Variants in WFDC11 observed in about 807,000 individuals in gnomAD.
The protein encoded by WFDC11 is protein WFDC11.
WFDC11 carries 9 observed loss-of-function variants against 9.9 expected under a neutral mutation model. The ratio of observed to expected loss-of-function variants is 0.91; its 90% CI spans 0.55 to 1.58. The LOEUF (loss-of-function observed/expected upper bound fraction) is 1.58. WFDC11 is among the 40% of genes most tolerant of loss of function. WFDC11 has a pLI of 0.00. For missense variants in WFDC11, 106 were observed against 101.7 expected (o/e 1.04, Z -0.18); for synonymous variants, 32 against 33.3 (o/e 0.96, Z 0.13).
chr20:45,661,261 G>T (rs1416389327), intron 2 of WFDC11, among the ~76,000 whole-genome samples: 6 of 151,512 alleles, frequency 4.0e-5, no homozygotes, highest in Admixed American at 1.3e-4. Context: ...TTTTTATGGG[G>T]TTGTTTGTTT....
At chr20:45,661,594 A>T (rs1471897928) in intron 2 of WFDC11, among the ~76,000 whole-genome samples, 1 of 152,164 alleles carries the variant, frequency 6.6e-6, no homozygotes, top group Non-Finnish European at 1.5e-5. Context: ...TAATTTTTGT[A>T]TACGGTGTAA....
At chr20:45,660,589 C>T in intron 2 of WFDC11, among the ~76,000 whole-genome samples, 1 of 152,128 alleles carries the variant, frequency 6.6e-6, no homozygotes, top group Non-Finnish European at 1.5e-5. Context: ...CAACAGTCCC[C>T]AGAGTGTGAT....
intron 2 of WFDC11, among the ~76,000 whole-genome samples, chr20:45,660,491 T>C (rs567057921): frequency 6.6e-6 from 1 of 152,282 alleles, no homozygotes; most frequent in African/African-American, 2.4e-5. Context: ...TGTATACATG[T>C]GCCATGCTGG....
At chr20:45,659,668 GT>G (rs1237317252) in intron 2 of WFDC11, among the ~76,000 whole-genome samples, 1 of 152,190 alleles carries the variant, frequency 6.6e-6, no homozygotes, top group East Asian at 1.9e-4. Flanking sequence ...TAGGTTGCCT[GT>G]TCACTCTGAT....
chr20:45,666,466 A>G (rs1210583697), intron 2 of WFDC11, among the ~76,000 whole-genome samples: 3 of 152,224 alleles, frequency 2.0e-5, no homozygotes, highest in Non-Finnish European at 4.4e-5. Context: ...TGAACCAGGT[A>G]CCACAGTTGG....
At chr20:45,668,994 T>A (rs1983241767) in intron 1 of WFDC11, among the ~76,000 whole-genome samples, 1 of 152,212 alleles carries the variant, frequency 6.6e-6, no homozygotes, top group African/African-American at 2.4e-5. Flanking sequence ...GTTTAGGCTA[T>A]ACTTGCACCA....
chr20:45,662,138 C>A (rs1439505800), intron 2 of WFDC11, among the ~76,000 whole-genome samples: 1 of 152,058 alleles, frequency 6.6e-6, no homozygotes, highest in African/African-American at 2.4e-5. Context: ...CTTCACGTCC[C>A]TTGTAAGTTG....
intron 2 of WFDC11, among the ~76,000 whole-genome samples, chr20:45,658,157 T>C (rs879722882): frequency 6.6e-6 from 1 of 152,166 alleles, no homozygotes; most frequent in Non-Finnish European, 1.5e-5. Context: ...ATCTAGGCCA[T>C]AAACATATCC....
At chr20:45,653,091 C>T (rs1262025935) in intron 2 of WFDC11, among the ~76,000 whole-genome samples, 2 of 152,072 alleles carry the variant, frequency 1.3e-5, no homozygotes, top group East Asian at 1.9e-4. Flanking sequence ...CACAAAGATA[C>T]TCCTCGAGAA....
intron 2 of WFDC11, among the ~76,000 whole-genome samples, chr20:45,655,743 T>C (rs949983907): frequency 6.6e-6 from 1 of 152,172 alleles, no homozygotes; most frequent in Non-Finnish European, 1.5e-5. Context: ...AGTTTCAGAA[T>C]ACAAAATCAG....
At chr20:45,653,688 C>T (rs924741187) in intron 2 of WFDC11, among the ~76,000 whole-genome samples, 4 of 152,158 alleles carry the variant, frequency 2.6e-5, no homozygotes, top group Non-Finnish European at 4.4e-5. Context: ...GGAAACCCAT[C>T]TCACATGCAG....
chr20:45,654,537 C>G (rs1395442126), intron 2 of WFDC11, among the ~76,000 whole-genome samples: 1 of 151,988 alleles, frequency 6.6e-6, no homozygotes, highest in African/African-American at 2.4e-5. Flanking sequence ...GAAGCAAGAG[C>G]AAACAAATTC....
At chr20:45,660,782 T>C (rs1983042185) in intron 2 of WFDC11, among the ~76,000 whole-genome samples, 1 of 152,216 alleles carries the variant, frequency 6.6e-6, no homozygotes, top group South Asian at 2.1e-4. Context: ...TTCCATGGTG[T>C]ATATGTGCCA....
chr20:45,667,636 A>C (rs1355618002), intron 1 of WFDC11, among the ~76,000 whole-genome samples: 1 of 152,218 alleles, frequency 6.6e-6, no homozygotes, highest in Non-Finnish European at 1.5e-5. Context: ...AATATCACAT[A>C]ACATGTAGAT....
chr20:45,655,645 C>T (rs1323021179), intron 2 of WFDC11, among the ~76,000 whole-genome samples: 1 of 152,166 alleles, frequency 6.6e-6, no homozygotes, highest in Non-Finnish European at 1.5e-5. Flanking sequence ...GTCAAATTGT[C>T]CCTGTTTGCA....
Position 45,648,703 on chromosome 20 carries a change from G to T in WFDC11, c.*16C>A. On this transcript the variant is annotated 3_prime_UTR_variant, in exon 5 of 5. Transcript: ENST00000324384. ...CCCAGCCCACACAGGTGGCAGCCTGGTGGGAAGCTACGGTTTTAGTAATCT... is the reference window on the plus strand; with the variant it reads ...CCCAGCCCACACAGGTGGCAGCCTGTTGGGAAGCTACGGTTTTAGTAATCT... The T allele has an allele frequency of 1.9e-6, 3 of 1,614,198 alleles. No homozygotes were observed. Among genetic ancestry groups the T allele is most frequent in the Non-Finnish European group, 2.5e-6 (3 of 1,180,018 alleles).
At chr20:45,650,153 C>A (rs570667397) in intron 3 of WFDC11, among the ~76,000 whole-genome samples, 5 of 151,932 alleles carry the variant, frequency 3.3e-5, no homozygotes, top group Non-Finnish European at 7.4e-5. Flanking sequence ...TGACATCTGA[C>A]CCTCAAAGAC....
chr20:45,655,770 G>C (rs1982916666), intron 2 of WFDC11, among the ~76,000 whole-genome samples: 1 of 152,122 alleles, frequency 6.6e-6, no homozygotes, highest in African/African-American at 2.4e-5. Flanking sequence ...AAAATCACAA[G>C]CATTCTTATA....
intron 2 of WFDC11, among the ~76,000 whole-genome samples, chr20:45,662,037 T>C (rs1211399553): frequency 3.9e-5 from 6 of 152,322 alleles, no homozygotes; most frequent in African/African-American, 1.4e-4. Context: ...ATATTGATTC[T>C]TCCTAGCCAT....
Sources: allele counts gnomAD v4.1 joint callset (sites outside exome capture counted in the v4.1 genomes callset), GRCh38; gene constraint gnomAD v4.1.1; transcripts MANE v1.5; gene names NCBI Gene and HGNC (gene_info 2026-07-23, HGNC 2026-07-21).